Variants in WNK1 observed in about 807,000 individuals in gnomAD.
WNK1 encodes serine/threonine-protein kinase WNK1.
In WNK1, 38 loss-of-function variants were observed where a neutral mutation model predicts 222.8. That is an observed-to-expected ratio of 0.17 (90% confidence interval 0.13 to 0.22). The LOEUF is 0.22. WNK1 is among the 10% of genes least tolerant of loss of function. The pLI, the probability that WNK1 is intolerant of heterozygous loss-of-function variation, is 1.00. For missense variants in WNK1, 2,348 were observed against 2,918.4 expected (o/e 0.80, Z 4.50); for synonymous variants, 1,090 against 1,092.9 (o/e 1.00, Z 0.05).
intron 20 of WNK1, 45 bp from the exon 21 acceptor site, chr12:889,095 T>C (rs1953953836): frequency 6.6e-7 from 1 of 1,525,762 alleles, no homozygotes; most frequent in African/African-American, 1.4e-5. Context: ...ATCGTGACTC[T>C]GAAGGTGCCA....
chr12:823,499 C>T (rs1206870336), intron 2 of WNK1, among the ~76,000 whole-genome samples: 3 of 152,282 alleles, frequency 2.0e-5, no homozygotes, highest in South Asian at 2.1e-4. Flanking sequence ...TTCCTATTTT[C>T]AAGTTTATTG....
At chr12:791,480 C>T (rs1381251583) in intron 1 of WNK1, among the ~76,000 whole-genome samples, 1 of 151,698 alleles carries the variant, frequency 6.6e-6, no homozygotes, top group Non-Finnish European at 1.5e-5. Flanking sequence ...AAACGTAGAT[C>T]TTTGCTTTTC....
intron 26 of WNK1, chr12:904,351 T>TG: frequency 1.1e-6 from 1 of 915,248 alleles, no homozygotes; most frequent in South Asian, 1.4e-5. Context: ...TCTCACCTCC[T>TG]GCTTTCTCTT....
At chr12:865,111 C>T (rs1040428966) in intron 8 of WNK1, 36 of 1,508,496 alleles carry the variant, frequency 2.4e-5, no homozygotes, top group Non-Finnish European at 3.2e-5. Flanking sequence ...TGTGTTGAGC[C>T]TCGTCGTGGC....
intron 1 of WNK1, among the ~76,000 whole-genome samples, chr12:755,240 T>C (rs1939823270): frequency 6.6e-6 from 1 of 152,190 alleles, no homozygotes; most frequent in Admixed American, 6.5e-5. Flanking sequence ...ACATAGGTTA[T>C]TAGTAGGAGC....
intron 25 of WNK1, among the ~76,000 whole-genome samples, chr12:899,556 C>T (rs1592242545): frequency 6.6e-6 from 1 of 152,086 alleles, no homozygotes; most frequent in South Asian, 2.1e-4. Flanking sequence ...GTGCGGATTA[C>T]AGGCATGAGC....
In WNK1 at chr12:864,110, G is replaced by GTTTTTTTTTTTTTTTTTTTTTTTTTT. The variant is rs372936466; in HGVS notation, c.2139+1857_2139+1858insTTTTTTTTTTTTTTTTTTTTTTTTTT. On this transcript the variant is annotated intron_variant, in intron 8 of 27. Transcript: ENST00000315939. ...ACCCTGTGCCTGAACATTTTTTTAA[G>GTTTTTTTTTTTTTTTTTTTTTTTTTT]TTTTTTTTTTTTTTTTTGACAGCGT... Among the ~76,000 whole-genome samples the GTTTTTTTTTTTTTTTTTTTTTTTTTT allele has an allele frequency of 8.8e-5, 11 of 124,576 alleles. 1 individual carries two copies. Among genetic ancestry groups the GTTTTTTTTTTTTTTTTTTTTTTTTTT allele is most frequent in the African/African-American group, 3.0e-4 (10 of 33,132 alleles). 81.7% of individuals were successfully genotyped at this position (124,576 alleles called of 152,430 possible). A position where few individuals can be genotyped will look rare whatever the true frequency, so the allele number is the denominator to read the frequency against.
chr12:799,347 C>G (rs1338069441), intron 1 of WNK1, among the ~76,000 whole-genome samples: 1 of 151,488 alleles, frequency 6.6e-6, no homozygotes, highest in African/African-American at 2.4e-5. Flanking sequence ...CCCAGGCTGC[C>G]CATGAACTCC....
chr12:830,284 T>G (rs1270253722), intron 4 of WNK1, 124 bp downstream of exon 4: 2 of 1,130,658 alleles, frequency 1.8e-6, no homozygotes, highest in Non-Finnish European at 2.6e-6. Context: ...ACTGTTGGGG[T>G]TGGGGGGGTG....
At chr12:829,907 TTC>T in intron 3 of WNK1, 94 bp from the exon 4 acceptor site, 2 of 1,345,404 alleles carry the variant, frequency 1.5e-6, no homozygotes, top group Non-Finnish European at 2.1e-6. Flanking sequence ...TTCCAATTTC[TTC>T]TCTCTCACAG....
chr12:771,002 C>CT (rs202068950), intron 1 of WNK1, among the ~76,000 whole-genome samples: 27 of 151,088 alleles, frequency 1.8e-4, no homozygotes, highest in African/African-American at 5.6e-4. Context: ...TTTATATTTT[C>CT]TTTTTTTTTG....
chr12:900,889 A>G, intron 26 of WNK1: 1 of 629,090 alleles, frequency 1.6e-6, no homozygotes, highest in Non-Finnish European at 2.9e-6. Flanking sequence ...AAGGAATTAC[A>G]GTGAAAAGTT....
chr12:765,511 G>A (rs1379971008), intron 1 of WNK1, among the ~76,000 whole-genome samples: 1 of 133,026 alleles, frequency 7.5e-6, no homozygotes, highest in African/African-American at 2.5e-5. Context: ...CATGCCACTT[G>A]CACTTCAGCC....
intron 25 of WNK1, among the ~76,000 whole-genome samples, chr12:899,035 C>T (rs1416739184): frequency 1.3e-5 from 2 of 152,104 alleles, no homozygotes; most frequent in Non-Finnish European, 2.9e-5. Flanking sequence ...CCACCGTGCC[C>T]GGCCCTGGAC....
intron 9 of WNK1, among the ~76,000 whole-genome samples, chr12:876,838 A>G (rs7967755): frequency 0.14 from 22,005 of 152,022 alleles, 1,744 homozygotes; most frequent in Middle Eastern, 0.24. Context: ...AAAGAAAACT[A>G]TGTGAAAATG....
chr12:829,020 G>A (rs990181222), intron 3 of WNK1, among the ~76,000 whole-genome samples: 1 of 152,214 alleles, frequency 6.6e-6, no homozygotes, highest in Non-Finnish European at 1.5e-5. Context: ...AATGGGAAAA[G>A]TGTCATTTAA....
chr12:846,338 G>A (rs1319142609), intron 4 of WNK1, among the ~76,000 whole-genome samples: 1 of 152,172 alleles, frequency 6.6e-6, no homozygotes, highest in Non-Finnish European at 1.5e-5. Context: ...AATATATTTA[G>A]CACCACTTTG....
rs776595258 is a variant in WNK1 at position 897,519 on chromosome 12, C to G, written c.6286C>G (p.His2096Asp). 1.2e-6 allele frequency: 2 copies of G among 1,612,376 alleles called. No individual in the cohort carries two copies. Among genetic ancestry groups the G allele is most frequent in the African/African-American group, 2.7e-5 (2 of 74,900 alleles). The change falls in exon 25 of 28, where the codon CAT (histidine) becomes GAT (aspartate). Residue 2096 changes from histidine to aspartate, a missense_variant. Around this residue, in one of 13 missense-constraint regions of WNK1, gnomAD observed 1,144 missense variants for 1,273.6 expected, o/e 0.90. Coordinates refer to ENST00000315939, the MANE Select transcript of WNK1 (RefSeq NM_018979.4). Reference protein sequence around the residue: ...EIQDLQSRQKHEIESLYTKLG... With the variant: ...EIQDLQSRQKDEIESLYTKLG... ...TCAGGACCTGCAGAGTCGCCAGAAG[C>G]ATGAAATTGAATCTTTGTATACCAA...
At chr12:897,110 CTTTA>C (rs1393180100) in intron 24 of WNK1, among the ~76,000 whole-genome samples, 2 of 152,148 alleles carry the variant, frequency 1.3e-5, no homozygotes, top group African/African-American at 4.8e-5. Context: ...ATTAACTGCT[CTTTA>C]TTTATTAGTC....
Sources: gnomAD v4.1 joint callset for allele counts (sites outside exome capture counted in the v4.1 genomes callset) on GRCh38, gnomAD v4.1.1 for gene constraint, gnomAD v4.1.1 regional missense constraint, MANE v1.5 for transcripts, NCBI Gene and HGNC (gene_info 2026-07-23, HGNC 2026-07-21) for gene names.